NOS1: variants seen among roughly 807,000 people sequenced by gnomAD.
NOS1 encodes the protein nitric oxide synthase 1, also known as NOS type I.
NOS1 carries 51 observed loss-of-function variants against 164.5 expected under a neutral mutation model. The ratio of observed to expected loss-of-function variants is 0.31; its 90% CI spans 0.25 to 0.39. The LOEUF is 0.39. NOS1 is among the 10% of genes least tolerant of loss of function. The pLI, the probability that NOS1 is intolerant of heterozygous loss-of-function variation, is 1.00. For missense variants in NOS1, 1,362 were observed against 1,885.6 expected, an observed-to-expected ratio of 0.72 and a Z score of 5.14; for synonymous variants, 719 against 745.8, an observed-to-expected ratio of 0.96 and a Z score of 0.59.
intron 1 of NOS1, among the ~76,000 whole-genome samples, chr12:117,345,181 G>A (rs1876294318): frequency 6.6e-6 from 1 of 151,878 alleles, no homozygotes; most frequent in South Asian, 2.1e-4. Flanking sequence ...ATAGACGCCT[G>A]CCAGCTAATT....
chr12:117,210,449 G>A lies in NOS1; in HGVS notation c.*4860C>T. 3 of 985,472 alleles carry A rather than the reference G, an allele frequency of 3.0e-6. No homozygotes were observed. The highest frequency in any genetic ancestry group is 1.1e-4 in the East Asian group (1 of 8,816). 61.0% of individuals were successfully genotyped at this position (985,472 alleles called of 1,614,324 possible). ...ACAGACAGAAGGCTTTGAGGACATGGTGGCCACAGCGGCATGCTGGGTATG... is the reference window on the plus strand; with the variant it reads ...ACAGACAGAAGGCTTTGAGGACATGATGGCCACAGCGGCATGCTGGGTATG... On this transcript the variant is annotated 3_prime_UTR_variant, in exon 29 of 29. Transcript: ENST00000317775.
intron 14 of NOS1, among the ~76,000 whole-genome samples, chr12:117,259,868 C>G (rs1467035049): frequency 6.6e-6 from 1 of 151,778 alleles, no homozygotes; most frequent in African/African-American, 2.4e-5. Context: ...GCCTGTAATC[C>G]CAGCACTTTG....
chr12:117,209,596 G>A lies in NOS1; in HGVS notation c.*5713C>T. 4 of 985,464 alleles carry A rather than the reference G, an allele frequency of 4.1e-6. No homozygotes were observed. The highest frequency in any genetic ancestry group is 4.8e-6 in the Non-Finnish European group (4 of 829,950). The allele number at this position is 985,464 out of a possible 1,614,324, so 61.0% of individuals were successfully genotyped here. A position where few individuals can be genotyped will look rare whatever the true frequency, so the allele number is the denominator to read the frequency against. ...TAGCCCCGCTTGACCAGAACTGTTT[G>A]GGTATTTTAGAACAAAACAAACTCA... On this transcript the variant is annotated 3_prime_UTR_variant, in exon 29 of 29. Transcript: ENST00000317775.
chr12:117,277,077 G>A, intron 9 of NOS1, among the ~76,000 whole-genome samples: 1 of 152,052 alleles, frequency 6.6e-6, no homozygotes, highest in Non-Finnish European at 1.5e-5. Context: ...CTCCATAGTG[G>A]TTGTACTAAT....
At chr12:117,257,983 T>C (rs1031312074) in intron 16 of NOS1, among the ~76,000 whole-genome samples, 3 of 151,674 alleles carry the variant, frequency 2.0e-5, no homozygotes, top group Non-Finnish European at 4.4e-5. Context: ...TTTTGTATTA[T>C]TAGTAGAGAT....
chr12:117,249,236 C>A, intron 17 of NOS1, among the ~76,000 whole-genome samples: 1 of 152,114 alleles, frequency 6.6e-6, no homozygotes, highest in East Asian at 1.9e-4. Flanking sequence ...GGTCAGGCAA[C>A]CCCAAGCTCA....
chr12:117,272,368 C>T lies in NOS1; in HGVS notation c.1839+17G>A. 6.2e-7 allele frequency: 1 copy of T among 1,613,954 alleles called. No individual in the cohort carries two copies. Among genetic ancestry groups the T allele is most frequent in the African/African-American group, 1.3e-5 (1 of 75,010 alleles). On this transcript the variant is annotated intron_variant, in intron 10 of 28. Transcript: ENST00000317775. The surrounding 1 kb of genome is among the most constrained non-coding windows in gnomAD (Gnocchi z 4.3). ...GCTATGTGCTTTTCCCCTGTGGTGA[C>T]CAGAGAGGGCCCTTACCTCCAGGAT...
rs1592978317 is a variant in NOS1 at position 117,276,009 on chromosome 12, C to T, written c.1664+1950G>A. Reference sequence around the variant, plus strand: ...CTCCAAATTCCTTTTGAACTTGATCCACACCAGGTTCTGTAGAGTTTTTTA... The same window carrying T: ...CTCCAAATTCCTTTTGAACTTGATCTACACCAGGTTCTGTAGAGTTTTTTA... On this transcript the variant is annotated intron_variant, in intron 9 of 28. Transcript: ENST00000317775. Among the ~76,000 whole-genome samples, 2 of 151,448 alleles carry T rather than the reference C, an allele frequency of 1.3e-5. 1 individual carries two copies. Among genetic ancestry groups the T allele is most frequent in the South Asian group, 4.2e-4 (2 of 4,750 alleles).
intron 3 of NOS1, among the ~76,000 whole-genome samples, chr12:117,299,508 G>A (rs35236225): frequency 0.021 from 3,125 of 151,822 alleles, 122 homozygotes; most frequent in African/African-American, 0.072. Context: ...GCGTGGTGGC[G>A]GGCGCCTGTA....
intron 10 of NOS1, among the ~76,000 whole-genome samples, chr12:117,270,512 A>G (rs1435052486): frequency 6.6e-6 from 1 of 152,140 alleles, no homozygotes; most frequent in African/African-American, 2.4e-5. Context: ...CTTTCCATAA[A>G]TACATATAAA....
At chr12:117,217,904 T>A in intron 28 of NOS1, 142 bp downstream of exon 28, 1 of 693,674 alleles carries the variant, frequency 1.4e-6, no homozygotes, top group Non-Finnish European at 2.6e-6. Context: ...GGTCTGGGAA[T>A]TTGCATTTTG....
At chr12:117,280,147 C>T (rs1171849343) in intron 8 of NOS1, among the ~76,000 whole-genome samples, 1 of 152,178 alleles carries the variant, frequency 6.6e-6, no homozygotes, top group Non-Finnish European at 1.5e-5. Flanking sequence ...GGAAGGAACT[C>T]TGGGCAGGGA....
At chr12:117,290,155 T>C (rs1872951697) in intron 4 of NOS1, 143 bp downstream of exon 4, 1 of 888,588 alleles carries the variant, frequency 1.1e-6, no homozygotes, top group Non-Finnish European at 1.6e-6. Context: ...GGGGGCGTAC[T>C]GACATCTAGG....
At chr12:117,318,714 A>G (rs2136062167) in intron 2 of NOS1, among the ~76,000 whole-genome samples, 1 of 152,268 alleles carries the variant, frequency 6.6e-6, no homozygotes, top group East Asian at 1.9e-4. Context: ...CTGAGAGGGG[A>G]GCAGGTGGGC....
At position 117,299,769 on chromosome 12, in the gene NOS1, G is replaced by A. The variant is rs77029631; in HGVS notation, c.853-9343C>T. 3.1e-3 allele frequency among the ~76,000 whole-genome samples: 476 copies of A among 151,844 alleles called. 4 individuals are homozygous for A. The highest frequency in any genetic ancestry group is 0.011 in the African/African-American group (460 of 41,408). On this transcript the variant is annotated intron_variant, in intron 3 of 28. Coordinates refer to ENST00000317775, the MANE Select transcript of NOS1 (RefSeq NM_000620.5). Reference sequence around the variant, plus strand: ...GGTGCTTGGGAGTCAGACTCACCCAGTTAAGGATTCAGGGTGATAGTGGAG... The same window carrying A: ...GGTGCTTGGGAGTCAGACTCACCCAATTAAGGATTCAGGGTGATAGTGGAG...
rs1956525744 is a variant in NOS1 at position 117,211,395 on chromosome 12, C to T, written c.*3914G>A. The stretch of plus-strand genomic sequence containing the variant: ...CTCAAGCCTTGGTTGCAGCAATAAC[C>T]CCCCCAACAGCTCAACGGGCCATGC... On this transcript the variant is annotated 3_prime_UTR_variant, in exon 29 of 29. Coordinates refer to ENST00000317775, the MANE Select transcript of NOS1 (RefSeq NM_000620.5). 2.0e-6 allele frequency: 2 copies of T among 985,482 alleles called. No homozygotes were observed. The highest frequency in any genetic ancestry group is 2.4e-6 in the Non-Finnish European group (2 of 830,004). The allele number at this position is 985,482 out of a possible 1,614,324, so 61.0% of individuals were successfully genotyped here.
At chr12:117,354,788 T>C (rs1295641112) in intron 1 of NOS1, among the ~76,000 whole-genome samples, 1 of 152,168 alleles carries the variant, frequency 6.6e-6, no homozygotes, top group Non-Finnish European at 1.5e-5. Context: ...TCCCTTTCTT[T>C]ATGAGGAAGC....
intron 8 of NOS1, among the ~76,000 whole-genome samples, chr12:117,278,406 T>C (rs1873352645): frequency 6.6e-6 from 1 of 152,346 alleles, no homozygotes; most frequent in East Asian, 1.9e-4. Context: ...GGGCAAACCC[T>C]TCCTCTAGTA....
At chr12:117,226,549 G>T in intron 24 of NOS1, 134 bp downstream of exon 24, 1 of 703,466 alleles carries the variant, frequency 1.4e-6, no homozygotes, top group Non-Finnish European at 2.5e-6. Flanking sequence ...TAAGAGAGAC[G>T]CAGGACATTG....
Sources: gnomAD v4.1 joint callset for allele counts (sites outside exome capture counted in the v4.1 genomes callset) on GRCh38, gnomAD v4.1.1 for gene constraint, Gnocchi (gnomAD v3.1) non-coding constraint, MANE v1.5 for transcripts, NCBI Gene and HGNC (gene_info 2026-07-23, HGNC 2026-07-21) for gene names.